Variants in CNTNAP4 observed in about 807,000 individuals in gnomAD.
CNTNAP4 encodes contactin associated protein family member 4.
In CNTNAP4, 98 loss-of-function variants were observed where a neutral mutation model predicts 148.4. The observed-to-expected ratio is 0.66, with a 90% CI of 0.56 to 0.78. The LOEUF is 0.78. Ranked by LOEUF, CNTNAP4 falls within the 30% of genes least tolerant of loss-of-function variation. CNTNAP4 has a pLI of 0.00. For missense variants in CNTNAP4, 1,935 were observed against 1,565.6 expected (o/e 1.24, Z -3.98); for synonymous variants, 730 against 565.1 (o/e 1.29, Z -4.14).
At chr16:76,332,617 C>A (rs986524129) in intron 2 of CNTNAP4, among the ~76,000 whole-genome samples, 12 of 151,972 alleles carry the variant, frequency 7.9e-5, no homozygotes, top group Admixed American at 5.2e-4. Flanking sequence ...TTTAAATATT[C>A]TTTCAGCCAT....
At chr16:76,397,214 T>C (rs985172102) in intron 3 of CNTNAP4, among the ~76,000 whole-genome samples, 1 of 151,862 alleles carries the variant, frequency 6.6e-6, no homozygotes, top group Non-Finnish European at 1.5e-5. Context: ...GAGAACAGTT[T>C]CCAAGCAGAG....
At chr16:76,331,748 A>T (rs1029376659) in intron 2 of CNTNAP4, among the ~76,000 whole-genome samples, 4 of 152,196 alleles carry the variant, frequency 2.6e-5, no homozygotes, top group African/African-American at 9.6e-5. Context: ...ATATAGGAAG[A>T]AAAGGGGAAT....
Position 76,277,649 on chromosome 16 carries a change from C to A in CNTNAP4, c.-14C>A. On this transcript the variant is annotated 5_prime_UTR_variant, in exon 1 of 24. Transcript: ENST00000611870. ...CCTCTCAAGATCTTTTGGGGGAGCC[C>A]AATAAATGTGAACATGGGATCTGTC... is the stretch of plus-strand genomic sequence containing the variant. The A allele has an allele frequency of 6.3e-7, 1 of 1,583,050 alleles. No homozygotes were observed. Among genetic ancestry groups the A allele is most frequent in the Non-Finnish European group, 8.6e-7 (1 of 1,160,030 alleles).
intron 3 of CNTNAP4, among the ~76,000 whole-genome samples, chr16:76,360,834 T>TTTG (rs2013333035): frequency 6.7e-6 from 1 of 150,168 alleles, no homozygotes; most frequent in African/African-American, 2.5e-5. Context: ...TTTTTTTTTT[T>TTTG]GAGATGGAGT....
intron 3 of CNTNAP4, among the ~76,000 whole-genome samples, chr16:76,370,396 T>G (rs944969069): frequency 2.0e-5 from 3 of 152,078 alleles, no homozygotes; most frequent in African/African-American, 7.2e-5. Context: ...GACTGCCCTA[T>G]AGAATTATGG....
At chr16:76,392,420 A>G (rs1262430866) in intron 3 of CNTNAP4, among the ~76,000 whole-genome samples, 1 of 152,246 alleles carries the variant, frequency 6.6e-6, no homozygotes. Flanking sequence ...TTAAGTATCT[A>G]GCATGAGTCC....
intron 8 of CNTNAP4, among the ~76,000 whole-genome samples, chr16:76,457,106 T>A (rs1003993005): frequency 6.6e-6 from 1 of 152,216 alleles, no homozygotes; most frequent in African/African-American, 2.4e-5. Flanking sequence ...TTACACAATA[T>A]CAGAAACAAG....
chr16:76,556,682 A>G (rs1485452943), intron 23 of CNTNAP4, among the ~76,000 whole-genome samples: 1 of 152,222 alleles, frequency 6.6e-6, no homozygotes, highest in African/African-American at 2.4e-5. Flanking sequence ...TTTTTTCTAA[A>G]ATGAGAAGCA....
chr16:76,412,727 A>G (rs1471067349), intron 3 of CNTNAP4, among the ~76,000 whole-genome samples: 4 of 151,394 alleles, frequency 2.6e-5, no homozygotes, highest in Non-Finnish European at 3.0e-5. Flanking sequence ...CTGGATACTA[A>G]TATACTGAAA....
At chr16:76,378,486 G>C (rs893656067) in intron 3 of CNTNAP4, among the ~76,000 whole-genome samples, 11 of 152,172 alleles carry the variant, frequency 7.2e-5, no homozygotes, top group African/African-American at 1.2e-4. Context: ...TGGCATAGGT[G>C]TATAAGACCA....
In CNTNAP4 at chr16:76,346,069, T is replaced by G. The variant is rs1964876018; in HGVS notation, c.197-9249T>G. 2.0e-5 allele frequency among the ~76,000 whole-genome samples: 3 copies of G among 152,116 alleles called. No individual in the cohort carries two copies. The South Asian group carries it at 6.2e-4, about 32-fold the overall frequency. Reference sequence around the variant, plus strand: ...ACTGTGAAAAATAAATGTCTGTTGTTTAAAATAAATAAATAAAGCATGTAA... The same window carrying G: ...ACTGTGAAAAATAAATGTCTGTTGTGTAAAATAAATAAATAAAGCATGTAA... On this transcript the variant is annotated intron_variant, in intron 2 of 23. Coordinates refer to ENST00000611870, the MANE Select transcript of CNTNAP4 (RefSeq NM_033401.5).
intron 12 of CNTNAP4, among the ~76,000 whole-genome samples, chr16:76,484,070 T>C (rs1377963648): frequency 6.7e-6 from 1 of 149,242 alleles, no homozygotes; most frequent in Non-Finnish European, 1.5e-5. Context: ...CATAGCAAAT[T>C]AATGTACATT....
At chr16:76,374,895 A>T (rs1014972150) in intron 3 of CNTNAP4, among the ~76,000 whole-genome samples, 2 of 151,732 alleles carry the variant, frequency 1.3e-5, no homozygotes, top group Non-Finnish European at 2.9e-5. Context: ...CTGCCTCTCA[A>T]GTAGCTGGGA....
intron 3 of CNTNAP4, among the ~76,000 whole-genome samples, chr16:76,425,450 C>G (rs1296028388): frequency 6.6e-6 from 1 of 152,060 alleles, no homozygotes; most frequent in Admixed American, 6.6e-5. Flanking sequence ...CTAGGTGTTA[C>G]GGATGGAACA....
intron 23 of CNTNAP4, chr16:76,558,248 C>T (rs757647183): frequency 3.9e-5 from 15 of 380,672 alleles, no homozygotes; most frequent in South Asian, 6.4e-5. Context: ...CAAGTAAATC[C>T]GATATAATAT....
At chr16:76,361,059 G>C (rs2013373429) in intron 3 of CNTNAP4, among the ~76,000 whole-genome samples, 3 of 151,352 alleles carry the variant, frequency 2.0e-5, no homozygotes, top group Admixed American at 2.0e-4. Flanking sequence ...TGCTGACCTC[G>C]TGGTCCGCCT....
chr16:76,333,286 C>A (rs1341198646), intron 2 of CNTNAP4, among the ~76,000 whole-genome samples: 1 of 152,088 alleles, frequency 6.6e-6, no homozygotes, highest in South Asian at 2.1e-4. Context: ...CTTGTATGTA[C>A]TACGCTTTCT....
In CNTNAP4 at chr16:76,522,027, T is replaced by A. The variant is rs1190790063; in HGVS notation, c.2537-12T>A. 1 of 1,612,932 alleles carries A rather than the reference T, an allele frequency of 6.2e-7. No individual in the cohort carries two copies. Among genetic ancestry groups the A allele is most frequent in the Non-Finnish European group, 8.5e-7 (1 of 1,179,020 alleles). On this transcript the variant is annotated splice_polypyrimidine_tract_variant and intron_variant, in intron 16 of 23. Coordinates refer to ENST00000611870, the MANE Select transcript of CNTNAP4 (RefSeq NM_033401.5). ...AACTCACTAGAACAATCTTTATGTG[T>A]AATATTTCCAGCTCCGACAGTAGTG...
chr16:76,305,357 G>C (rs9673940), intron 1 of CNTNAP4, among the ~76,000 whole-genome samples: 45,380 of 151,920 alleles, frequency 0.3, 7,209 homozygotes, highest in Non-Finnish European at 0.35. Flanking sequence ...ATCGTAGATT[G>C]ATTGATTTTG....
Sources: allele counts gnomAD v4.1 joint callset (sites outside exome capture counted in the v4.1 genomes callset), GRCh38; gene constraint gnomAD v4.1.1; transcripts MANE v1.5; gene names NCBI Gene and HGNC (gene_info 2026-07-23, HGNC 2026-07-21).